The following SERPINB5 variants were observed in gnomAD, a reference collection of about 807,000 sequenced individuals.
The protein encoded by SERPINB5 is serpin B5.
Under a neutral mutation model 32.2 loss-of-function variants are expected in SERPINB5, and 27 were observed. The ratio of observed to expected loss-of-function variants is 0.84; its 90% CI spans 0.62 to 1.16. The LOEUF is 1.16. Ranked by LOEUF, SERPINB5 falls within the 50% of genes most tolerant of loss-of-function variation. The probability of loss-of-function intolerance (pLI) is 0.00; values close to 1 mark genes in which losing one functional copy is unlikely to be tolerated. For synonymous variants in SERPINB5, 154 were observed against 157.4 expected (o/e 0.98, Z 0.16); for missense variants, 388 against 436.3 (o/e 0.89, Z 0.99).
chr18:63,479,179 G>A (rs188256832), intron 1 of SERPINB5, among the ~76,000 whole-genome samples: 38 of 152,124 alleles, frequency 2.5e-4, no homozygotes, highest in Non-Finnish European at 5.1e-4. Flanking sequence ...AACATATATT[G>A]TTCAAATCAG....
At chr18:63,480,792 T>C (rs1190783014) in intron 1 of SERPINB5, among the ~76,000 whole-genome samples, 1 of 152,214 alleles carries the variant, frequency 6.6e-6, no homozygotes, top group Non-Finnish European at 1.5e-5. Flanking sequence ...GATTGATTAC[T>C]TAGTGGGTGA....
intron 2 of SERPINB5, among the ~76,000 whole-genome samples, chr18:63,485,317 A>C (rs1429918965): frequency 6.6e-6 from 1 of 152,208 alleles, no homozygotes; most frequent in Non-Finnish European, 1.5e-5. Flanking sequence ...TTAAGTCCTC[A>C]TGTACTTTTA....
At chr18:63,495,430 G>A (rs1909427090) in intron 5 of SERPINB5, among the ~76,000 whole-genome samples, 1 of 152,280 alleles carries the variant, frequency 6.6e-6, no homozygotes, top group African/African-American at 2.4e-5. Flanking sequence ...GACCCTTCTG[G>A]CTCCTTTGAT....
At chr18:63,484,377 T>A in intron 1 of SERPINB5, 45 bp from the exon 2 acceptor site, 1 of 1,554,372 alleles carries the variant, frequency 6.4e-7, no homozygotes, top group African/African-American at 1.4e-5. Context: ...GAGAAGACGT[T>A]AAAGATGCTT....
chr18:63,490,495 G>C (rs1166203469), intron 4 of SERPINB5: 1 of 152,186 alleles, frequency 6.6e-6, no homozygotes, highest in Non-Finnish European at 1.5e-5. Flanking sequence ...GACCCGTTGG[G>C]AGGCCGGGCC....
intron 1 of SERPINB5, among the ~76,000 whole-genome samples, chr18:63,477,786 C>T (rs2144489996): frequency 6.6e-6 from 1 of 152,308 alleles, no homozygotes; most frequent in South Asian, 2.1e-4. Flanking sequence ...AACCAACATG[C>T]CAGGCTATTC....
At chr18:63,479,836 A>T (rs7228629) in intron 1 of SERPINB5, among the ~76,000 whole-genome samples, 1 of 151,974 alleles carries the variant, frequency 6.6e-6, no homozygotes, top group African/African-American at 2.4e-5. Flanking sequence ...GGCTTCTTCA[A>T]GTAGGAAAAT....
At chr18:63,493,527 G>A (rs1023120027) in intron 5 of SERPINB5, 10 of 324,912 alleles carry the variant, frequency 3.1e-5, no homozygotes, top group African/African-American at 8.5e-5. Context: ...GGTTGATAGC[G>A]AAGTATATTG....
chr18:63,489,267 A>T, intron 3 of SERPINB5, 80 bp from the exon 4 acceptor site: 1 of 792,950 alleles, frequency 1.3e-6, no homozygotes. Context: ...GTTGATATTT[A>T]ATAATCCTTT....
In SERPINB5 at chr18:63,503,879, A is replaced by T; in HGVS notation, c.*157A>T. 1 of 645,718 alleles carries T rather than the reference A, an allele frequency of 1.5e-6. No individual in the cohort carries two copies. The highest frequency in any genetic ancestry group is 2.6e-6 in the Non-Finnish European group (1 of 387,782). The allele number at this position is 645,718 out of a possible 1,614,324, so 40.0% of individuals were successfully genotyped here. Reference sequence around the variant, plus strand: ...TGTCATATGTAGCCTTCACACAGATAGACCTTTTTTTTTTTTCCAATTCTA... The same window carrying T: ...TGTCATATGTAGCCTTCACACAGATTGACCTTTTTTTTTTTTCCAATTCTA... On this transcript the variant is annotated 3_prime_UTR_variant, in exon 7 of 7. Transcript: ENST00000382771.
chr18:63,483,127 A>G (rs1917151808), intron 1 of SERPINB5, among the ~76,000 whole-genome samples: 1 of 152,204 alleles, frequency 6.6e-6, no homozygotes, highest in Non-Finnish European at 1.5e-5. Flanking sequence ...TGTTAAAATT[A>G]AAGAGCTCTG....
At chr18:63,483,234 T>C (rs1481980348) in intron 1 of SERPINB5, among the ~76,000 whole-genome samples, 1 of 152,214 alleles carries the variant, frequency 6.6e-6, no homozygotes, top group Admixed American at 6.5e-5. Context: ...TATTACTTAT[T>C]ATACCACTCA....
chr18:63,499,739 A>C (rs1299872466), intron 6 of SERPINB5, among the ~76,000 whole-genome samples: 1 of 152,108 alleles, frequency 6.6e-6, no homozygotes, highest in Admixed American at 6.5e-5. Context: ...CAGTTAAGGC[A>C]CTACGTTGCT....
At chr18:63,493,508 T>A (rs1909383492) in intron 5 of SERPINB5, 1 of 386,468 alleles carries the variant, frequency 2.6e-6, no homozygotes, top group African/African-American at 2.0e-5. Context: ...AACATCTCAT[T>A]TCCTTATCGG....
In SERPINB5 at chr18:63,493,062, A is replaced by G; in HGVS notation, c.534A>G (p.Ser178=). 2 of 1,614,270 alleles carry G rather than the reference A, an allele frequency of 1.2e-6. No individual in the cohort carries two copies. The highest frequency in any genetic ancestry group is 1.7e-5 in the Admixed American group (1 of 60,030). The change falls in exon 5 of 7, where the codon TCA becomes TCG. Residue 178 remains serine, a synonymous_variant. Coordinates refer to ENST00000382771, the MANE Select transcript of SERPINB5 (RefSeq NM_002639.5). ...AGTGGATGAAGAAATTTTCTGAATC[A>G]GAAACAAAAGAATGTCCTTTCAGAG... ...VGKWMKKFSE[S]ETKECPFRVN... is the part of the protein sequence containing the mutation.
intron 3 of SERPINB5, among the ~76,000 whole-genome samples, chr18:63,488,360 A>C (rs536483293): frequency 1.2e-4 from 18 of 152,324 alleles, no homozygotes; most frequent in Admixed American, 9.8e-4. Flanking sequence ...CTTCCATGCA[A>C]CATCTGGAAT....
chr18:63,493,136 T>C, intron 5 of SERPINB5, 41 bp downstream of exon 5: 1 of 1,613,434 alleles, frequency 6.2e-7, no homozygotes, highest in Non-Finnish European at 8.5e-7. Context: ...AGCCCAATTA[T>C]AGATGTGAAA....
chr18:63,501,919 A>C, intron 6 of SERPINB5, among the ~76,000 whole-genome samples: 1 of 151,972 alleles, frequency 6.6e-6, no homozygotes, highest in Non-Finnish European at 1.5e-5. Flanking sequence ...AATTTGTTTG[A>C]GTTCTTTGTA....
At chr18:63,481,685 T>G (rs763034644) in intron 1 of SERPINB5, among the ~76,000 whole-genome samples, 11 of 152,248 alleles carry the variant, frequency 7.2e-5, no homozygotes, top group Admixed American at 6.5e-5. Flanking sequence ...AAGCCAGGTT[T>G]CCTATTCTGA....
Sources: gnomAD v4.1 joint callset for allele counts (sites outside exome capture counted in the v4.1 genomes callset) on GRCh38, gnomAD v4.1.1 for gene constraint, MANE v1.5 for transcripts, NCBI Gene and HGNC (gene_info 2026-07-23, HGNC 2026-07-21) for gene names.